The following CUL4A variants were observed in gnomAD, a reference collection of about 807,000 sequenced individuals.
CUL4A encodes cullin-4A.
In CUL4A, 16 loss-of-function variants were observed where a neutral mutation model predicts 95.5. That is an observed-to-expected ratio of 0.17 (90% CI 0.11 to 0.25). The LOEUF is 0.25. CUL4A is among the 10% of genes least tolerant of loss of function. The probability of loss-of-function intolerance (pLI) is 1.00; values close to 1 mark genes in which losing one functional copy is unlikely to be tolerated. For synonymous variants in CUL4A, 380 were observed against 353.1 expected, an observed-to-expected ratio of 1.08 and a Z score of -0.85; for missense variants, 610 against 937.0, an observed-to-expected ratio of 0.65 and a Z score of 4.56.
At chr13:113,233,412 A>T (rs897806408) in intron 6 of CUL4A, 73 bp downstream of exon 6, 2 of 1,383,466 alleles carry the variant, frequency 1.4e-6, no homozygotes, top group African/African-American at 1.4e-5. Context: ...GGTTGTACCA[A>T]AGATGTTAAA....
intron 3 of CUL4A, among the ~76,000 whole-genome samples, chr13:113,222,315 G>A (rs1030748854): frequency 5.9e-5 from 9 of 152,078 alleles, no homozygotes; most frequent in South Asian, 2.1e-4. Flanking sequence ...GTGGTGTGAG[G>A]GGTCACACCA....
At chr13:113,209,846 G>T in intron 1 of CUL4A, 71 bp downstream of exon 1, 26 of 1,162,170 alleles carry the variant, frequency 2.2e-5, no homozygotes, top group Non-Finnish European at 2.7e-5. Flanking sequence ...CCCGACTTGG[G>T]GGGAAGGCCC....
chr13:113,227,670 C>T (rs1212843523), intron 3 of CUL4A, among the ~76,000 whole-genome samples: 2 of 152,208 alleles, frequency 1.3e-5, no homozygotes, highest in Non-Finnish European at 2.9e-5. Flanking sequence ...CTTTGGGAGG[C>T]TGAGGCCAGT....
intron 10 of CUL4A, among the ~76,000 whole-genome samples, chr13:113,240,202 T>A (rs2041667827): frequency 6.6e-6 from 1 of 152,028 alleles, no homozygotes; most frequent in Non-Finnish European, 1.5e-5. Flanking sequence ...CAAGGGGACA[T>A]TTGTTGATGT....
chr13:113,232,039 C>CCACCACTACCTGCCCACCACCATTACTGT (rs2041337519), intron 5 of CUL4A, among the ~76,000 whole-genome samples: 3 of 74,332 alleles, frequency 4.0e-5, no homozygotes, highest in African/African-American at 8.6e-5. Context: ...ATTACTGCTG[C>CCACCACTACCTGCCCACCACCATTACTGT]CACCACTACC....
chr13:113,216,054 T>C (rs1312821135), intron 2 of CUL4A, among the ~76,000 whole-genome samples: 1 of 150,476 alleles, frequency 6.6e-6, no homozygotes, highest in Non-Finnish European at 1.5e-5. Context: ...CTCGTCCACG[T>C]GGCTGTGGAG....
At chr13:113,210,385 A>T (rs1442186872) in intron 2 of CUL4A, among the ~76,000 whole-genome samples, 1 of 152,248 alleles carries the variant, frequency 6.6e-6, no homozygotes, top group Admixed American at 6.5e-5. Flanking sequence ...GTATACGGCA[A>T]ATTATTTTCT....
chr13:113,208,712 G>A (rs553664236), upstream of CUL4A: 5 of 1,522,980 alleles, frequency 3.3e-6, no homozygotes, highest in Non-Finnish European at 3.5e-6. Flanking sequence ...CCCTCGGTCC[G>A]TCTGGGTCCT....
rs1225323718 is a variant in CUL4A at position 113,233,992 on chromosome 13, A to G, written c.765+6A>G. On this transcript the variant is annotated splice_donor_region_variant and intron_variant, in intron 7 of 19. Coordinates refer to ENST00000375440, the MANE Select transcript of CUL4A (RefSeq NM_001008895.4). ...GGTTAATGCAGGAAAGAGAGGTGAGATGATGGGATGTTTCCGAATCCCCTG... is the reference window on the plus strand; with the variant it reads ...GGTTAATGCAGGAAAGAGAGGTGAGGTGATGGGATGTTTCCGAATCCCCTG... 6.3e-7 allele frequency: 1 copy of G among 1,582,660 alleles called. No homozygotes were observed. The highest frequency in any genetic ancestry group is 1.4e-5 in the African/African-American group (1 of 74,036).
intron 2 of CUL4A, among the ~76,000 whole-genome samples, chr13:113,213,271 C>G (rs990475961): frequency 1.3e-5 from 2 of 152,054 alleles, no homozygotes; most frequent in African/African-American, 4.8e-5. Context: ...GCCTGTAGTC[C>G]CAGCTACTCA....
At chr13:113,226,425 G>C (rs1566334566) in intron 3 of CUL4A, among the ~76,000 whole-genome samples, 1 of 152,220 alleles carries the variant, frequency 6.6e-6, no homozygotes, top group Non-Finnish European at 1.5e-5. Flanking sequence ...AGGGAACAAT[G>C]TCTGCACCAC....
chr13:113,256,913 C>CTTTTTTTTTTCTTTTTTTTTTTT (rs1566372467), intron 18 of CUL4A, among the ~76,000 whole-genome samples: 2 of 77,888 alleles, frequency 2.6e-5, no homozygotes, highest in Non-Finnish European at 4.9e-5. Flanking sequence ...TGCTTTGTCC[C>CTTTTTTTTTTCTTTTTTTTTTTT]TTTTTTTTTT....
At chr13:113,218,617 G>A (rs572335349) in intron 2 of CUL4A, among the ~76,000 whole-genome samples, 19 of 152,338 alleles carry the variant, frequency 1.2e-4, no homozygotes, top group African/African-American at 4.1e-4. Context: ...GATCAAACCT[G>A]TTGAGAAGTC....
At chr13:113,244,376 G>A (rs888201584) in intron 11 of CUL4A, 34 bp from the exon 12 acceptor site, 2 of 1,482,058 alleles carry the variant, frequency 1.3e-6, no homozygotes, top group African/African-American at 2.8e-5. Flanking sequence ...TCTTTTTCTA[G>A]TTTAGAGTAT....
At chr13:113,234,814 C>T (rs2041483927) in intron 7 of CUL4A, among the ~76,000 whole-genome samples, 1 of 152,158 alleles carries the variant, frequency 6.6e-6, no homozygotes, top group Non-Finnish European at 1.5e-5. Flanking sequence ...TGGTGGTGCA[C>T]AGGGACGAAA....
Position 113,266,165 on chromosome 13 carries a change from A to G in CUL4A, c.*2583A>G, listed in dbSNP as rs1050635697. ...TGAGTAGCTGGGCCTACAGGTGTAC[A>G]TCACCACGCCCAGATAATTTTTATT... On this transcript the variant is annotated 3_prime_UTR_variant, in exon 20 of 20. Transcript: ENST00000375440. 2 of 152,116 alleles carry G rather than the reference A, an allele frequency of 1.3e-5. No individual in the cohort carries two copies. Among genetic ancestry groups the G allele is most frequent in the African/African-American group, 4.8e-5 (2 of 41,418 alleles). The allele number at this position is 152,116 out of a possible 1,614,324, so 9.4% of individuals were successfully genotyped here.
intron 16 of CUL4A, among the ~76,000 whole-genome samples, chr13:113,253,764 GTTA>G (rs1338135749): frequency 6.6e-6 from 1 of 152,122 alleles, no homozygotes; most frequent in Non-Finnish European, 1.5e-5. Context: ...TTGCAGTGCT[GTTA>G]TTATGAGCGA....
intron 3 of CUL4A, among the ~76,000 whole-genome samples, chr13:113,226,521 C>T (rs1047718442): frequency 2.0e-5 from 3 of 152,208 alleles, no homozygotes; most frequent in Admixed American, 2.0e-4. Flanking sequence ...TGATTCTCAG[C>T]TTTGCATGAA....
intron 16 of CUL4A, among the ~76,000 whole-genome samples, chr13:113,254,036 C>G (rs2042060952): frequency 6.6e-6 from 1 of 152,256 alleles, no homozygotes; most frequent in South Asian, 2.1e-4. Context: ...TTTTTACCTA[C>G]TTGCTGACTT....
Sources: allele counts gnomAD v4.1 joint callset (sites outside exome capture counted in the v4.1 genomes callset), GRCh38; gene constraint gnomAD v4.1.1; transcripts MANE v1.5; gene names NCBI Gene and HGNC (gene_info 2026-07-23, HGNC 2026-07-21).